The following TBRG4 variants were observed in gnomAD, a reference collection of about 807,000 sequenced individuals.
TBRG4 encodes the protein FAST kinase domain-containing protein 4.
A neutral mutation model predicts 65.6 loss-of-function variants in TBRG4; 43 were observed. The observed-to-expected ratio is 0.66, with a 90% confidence interval of 0.51 to 0.85. The LOEUF is 0.85. TBRG4 is among the 40% of genes least tolerant of loss of function. The pLI, the probability that TBRG4 is intolerant of heterozygous loss-of-function variation, is 0.00. For synonymous variants in TBRG4, 366 were observed against 341.4 expected, an observed-to-expected ratio of 1.07 and a Z score of -0.79; for missense variants, 709 against 787.9, an observed-to-expected ratio of 0.90 and a Z score of 1.20.
Position 45,103,362 on chromosome 7 carries a change from G to A in TBRG4, c.1147C>T (p.Pro383Ser). The A allele has an allele frequency of 3.7e-6, 6 of 1,613,816 alleles. No homozygotes were observed. The highest frequency in any genetic ancestry group is 4.2e-6 in the Non-Finnish European group (5 of 1,179,836). Residue 383 changes from proline to serine, a missense_variant, in exon 6 of 11, where the codon CCA becomes TCA. Transcript: ENST00000258770. Reference sequence around the variant, plus strand: ...CTGAAGAACTGATCCTCTTGGTCTGGATGGAAGTTCAGACGCGCAAAAGCC... The same window carrying A: ...CTGAAGAACTGATCCTCTTGGTCTGAATGGAAGTTCAGACGCGCAAAAGCC... ...LLAFARLNFH[P>S]DQEDQFFSLV...
At chr7:45,106,017 C>T (rs575968749) in intron 2 of TBRG4, 1 of 703,008 alleles carries the variant, frequency 1.4e-6, no homozygotes, top group African/African-American at 1.7e-5. Context: ...AGTAACAGGG[C>T]CTGTGAGTCA....
intron 2 of TBRG4, chr7:45,106,962 C>T (rs1270100251): frequency 6.6e-6 from 1 of 152,210 alleles, no homozygotes; most frequent in Non-Finnish European, 1.5e-5. Context: ...CAGTGAACCA[C>T]CACCTTTACC....
chr7:45,104,346 A>G (rs1784868369), intron 4 of TBRG4, 90 bp from the exon 5 acceptor site: 2 of 1,597,366 alleles, frequency 1.3e-6, no homozygotes, highest in Non-Finnish European at 1.7e-6. Flanking sequence ...AGGTCTAGAT[A>G]TTTGATGTCT....
chr7:45,100,737 C>A (rs1392640280), intron 10 of TBRG4, among the ~76,000 whole-genome samples: 1 of 152,230 alleles, frequency 6.6e-6, no homozygotes, highest in Non-Finnish European at 1.5e-5. Flanking sequence ...CAAACAGAAC[C>A]CTTGTGTGGC....
At position 45,105,637 on chromosome 7, in the gene TBRG4, T is replaced by C. The variant is rs1300940244; in HGVS notation, c.539A>G (p.Lys180Arg). Residue 180 changes from lysine (K) to arginine (R), a missense_variant, in exon 3 of 11, where the codon AAG becomes AGG. Lys to Arg is a conservative substitution (Grantham distance 26, BLOSUM62 2). Transcript: ENST00000258770. ...TGCCAGGAAGGCCAGGTGCTTGTAC[T>C]TGAGCTTCCGCATGCGCCAGCGGAC... The part of the protein sequence containing the change: ...QEVRWRMRKL[K>R]YKHLAFLAES... 1.9e-6 allele frequency: 3 copies of C among 1,614,148 alleles called. No homozygotes were observed. Among genetic ancestry groups the C allele is most frequent in the Middle Eastern group, 3.3e-4 (2 of 6,062 alleles).
intron 3 of TBRG4, 127 bp downstream of exon 3, chr7:45,105,314 A>T: frequency 9.1e-7 from 1 of 1,094,222 alleles, no homozygotes; most frequent in Non-Finnish European, 1.3e-6. Context: ...GAGGCTCCAG[A>T]CAGAAGCTCC....
chr7:45,104,850 G>C (rs1784886700), intron 3 of TBRG4, 141 bp from the exon 4 acceptor site: 1 of 1,318,278 alleles, frequency 7.6e-7, no homozygotes, highest in African/African-American at 1.4e-5. Context: ...CTAAACACAG[G>C]ACCACTGTGC....
rs374910404 is a variant in TBRG4 at position 45,101,896 on chromosome 7, G to A, written c.1496C>T (p.Thr499Met). The A allele has an allele frequency of 4.2e-5, 68 of 1,611,350 alleles. No individual in the cohort carries two copies. Among genetic ancestry groups the A allele is most frequent in the Middle Eastern group, 3.4e-4 (2 of 5,920 alleles). ...GGCGCTCCCCAGCAGCCCCTTCAGC[G>A]TCTCCTGCAGCTCCTTTTGCAGGGG... ...VTPLQKELQE[T>M]LKGLLGSADK... is the part of the protein sequence containing the mutation. The change falls in exon 8 of 11, where the codon ACG (threonine) becomes ATG (methionine). Residue 499 changes from threonine to methionine, a missense_variant. Thr to Met is a moderately conservative substitution (Grantham distance 81). Coordinates refer to ENST00000258770, the MANE Select transcript of TBRG4 (RefSeq NM_004749.4).
At chr7:45,101,230 A>G (rs1784754561) in intron 10 of TBRG4, 28 bp downstream of exon 10, 2 of 1,601,468 alleles carry the variant, frequency 1.2e-6, no homozygotes, top group Admixed American at 1.7e-5. Context: ...CTCCCTGTGC[A>G]GTGACCACCT....
chr7:45,106,256 G>A (rs1784950997), intron 2 of TBRG4: 3 of 323,748 alleles, frequency 9.3e-6, no homozygotes, highest in South Asian at 7.5e-5. Context: ...AGAGTGGCAA[G>A]GGAAATTCTC....
intron 10 of TBRG4, among the ~76,000 whole-genome samples, chr7:45,100,873 G>C (rs1180801896): frequency 1.3e-5 from 2 of 152,214 alleles, no homozygotes; most frequent in African/African-American, 4.8e-5. Context: ...GCTCCTGCCA[G>C]TTCCACTGGT....
At chr7:45,106,069 C>T (rs1418094784) in intron 2 of TBRG4, 3 of 620,332 alleles carry the variant, frequency 4.8e-6, no homozygotes, top group East Asian at 3.7e-5. Flanking sequence ...CTACCATAGA[C>T]AGGGCAGGCA....
intron 2 of TBRG4, among the ~76,000 whole-genome samples, chr7:45,108,610 G>C (rs1290923019): frequency 6.6e-6 from 1 of 152,256 alleles, no homozygotes; most frequent in East Asian, 1.9e-4. Context: ...TTGGCTGTCT[G>C]TAAGACGAGC....
In TBRG4 at chr7:45,100,278, G is replaced by A. The variant is rs1415593271; in HGVS notation, c.*47C>T. The stretch of plus-strand genomic sequence containing the variant: ...GGGTGACCCTTCTTGGCCGCCCACA[G>A]CTAGACCTCCGGCGGAGAGGCACGC... On this transcript the variant is annotated 3_prime_UTR_variant, in exon 11 of 11. Transcript: ENST00000258770. 3.2e-6 allele frequency: 5 copies of A among 1,557,672 alleles called. No homozygotes were observed. Among genetic ancestry groups the A allele is most frequent in the Non-Finnish European group, 4.4e-6 (5 of 1,135,406 alleles).
rs759796140 is a variant in TBRG4, at chr7:45,102,488, G to C, written c.1180C>G (p.His394Asp). 3 of 1,609,492 alleles carry C rather than the reference G, an allele frequency of 1.9e-6. No homozygotes were observed. The highest frequency in any genetic ancestry group is 1.7e-6 in the Non-Finnish European group (2 of 1,179,830). The change falls in exon 7 of 11, where the codon CAT (histidine) becomes GAT (aspartate). Residue 394 changes from histidine to aspartate, a missense_variant. His to Asp is a moderately conservative substitution (Grantham distance 81, BLOSUM62 -1). Coordinates refer to ENST00000258770, the MANE Select transcript of TBRG4 (RefSeq NM_004749.4). ...DQEDQFFSLV[H>D]EKLGSELPGL... ...GGCAGCTCTGACCCCAGCTTCTCAT[G>C]TACCTGGGCAAGGATAGAGTGTGGT...
intron 3 of TBRG4, 42 bp from the exon 4 acceptor site, chr7:45,104,751 G>A (rs1367775752): frequency 6.2e-7 from 1 of 1,601,786 alleles, no homozygotes; most frequent in Non-Finnish European, 8.5e-7. Context: ...AATGGCCTGG[G>A]GTGGCAGAGA....
chr7:45,104,441 C>T, intron 4 of TBRG4, 97 bp downstream of exon 4: 1 of 1,594,730 alleles, frequency 6.3e-7, no homozygotes, highest in South Asian at 1.1e-5. Flanking sequence ...TGGGCCAGTG[C>T]CTACCATGCA....
Position 45,101,575 on chromosome 7 carries a change from G to A in TBRG4, c.1607C>T (p.Pro536Leu). The A allele has an allele frequency of 1.9e-6, 3 of 1,613,884 alleles. No homozygotes were observed. The highest frequency in any genetic ancestry group is 1.3e-5 in the African/African-American group (1 of 75,062). ...VLLDSDGEFL[P>L]VRDFVAPHLA... ...GTGAGGTGCCACAAAGTCCCTTACG[G>A]GCAGAAACTCGCCGTCACTGTCCAG... Residue 536 changes from proline to leucine, a missense_variant, in exon 9 of 11, where the codon CCC becomes CTC. Transcript: ENST00000258770.
chr7:45,103,332 C>T lies in TBRG4; in HGVS notation c.1176+1G>A. On this transcript the variant is annotated splice_donor_variant, in intron 6 of 10. Coordinates refer to ENST00000258770, the MANE Select transcript of TBRG4 (RefSeq NM_004749.4). LOFTEE classifies it high-confidence loss of function. ...GAGCAGTGGGAGCCCAGAGGCCCTA[C>T]CAGGCTGAAGAACTGATCCTCTTGG... 6.2e-7 allele frequency: 1 copy of T among 1,611,356 alleles called. No homozygotes were observed. Among genetic ancestry groups the T allele is most frequent in the Non-Finnish European group, 8.5e-7 (1 of 1,178,504 alleles).
Sources: gnomAD v4.1 joint callset for allele counts (sites outside exome capture counted in the v4.1 genomes callset) on GRCh38, gnomAD v4.1.1 for gene constraint, MANE v1.5 for transcripts, NCBI Gene and HGNC (gene_info 2026-07-23, HGNC 2026-07-21) for gene names.